Variants in ROBO1 observed in about 807,000 individuals in gnomAD.
ROBO1 encodes the protein roundabout homolog 1.
A neutral mutation model predicts 195.9 loss-of-function variants in ROBO1; 149 were observed. The observed-to-expected ratio is 0.76, with a 90% CI of 0.67 to 0.87. The LOEUF is 0.87. ROBO1 is among the 40% of genes least tolerant of loss of function. The pLI, the probability that ROBO1 is intolerant of heterozygous loss-of-function variation, is 0.00. For synonymous variants in ROBO1, 816 were observed against 733.2 expected (o/e 1.11, Z -1.82); for missense variants, 1,933 against 2,068.3 (o/e 0.93, Z 1.27).
intron 4 of ROBO1, among the ~76,000 whole-genome samples, chr3:78,774,831 T>C (rs1459620903): frequency 6.6e-6 from 1 of 152,210 alleles, no homozygotes; most frequent in African/African-American, 2.4e-5. Flanking sequence ...AATGATCTTT[T>C]AGTCACTTTG....
intron 4 of ROBO1, among the ~76,000 whole-genome samples, chr3:78,925,348 TA>T (rs1254022966): frequency 6.6e-6 from 1 of 152,208 alleles, no homozygotes; most frequent in Non-Finnish European, 1.5e-5. Flanking sequence ...AATAATGTTG[TA>T]CTTGAAGCTC....
intron 3 of ROBO1, among the ~76,000 whole-genome samples, chr3:79,070,241 G>C (rs1206334939): frequency 6.6e-6 from 1 of 151,836 alleles, no homozygotes; most frequent in Admixed American, 6.6e-5. Flanking sequence ...CCTTGAACAA[G>C]TTGTTGTTAC....
chr3:79,104,950 G>A (rs1385692380), intron 3 of ROBO1, among the ~76,000 whole-genome samples: 3 of 151,690 alleles, frequency 2.0e-5, no homozygotes, highest in Non-Finnish European at 4.4e-5. Flanking sequence ...GAAAACGGCA[G>A]GTGTTTTTGG....
rs535342586 is a variant in ROBO1 at position 79,521,835 on chromosome 3, G to A, written c.88+67989C>T. Among the ~76,000 whole-genome samples, 4 of 152,174 alleles carry A rather than the reference G, an allele frequency of 2.6e-5. No homozygotes were observed. In the South Asian group the frequency reaches 8.3e-4, roughly 32 times the overall value. ...GGGAAGATGTGTGGGGAAGCACCTGGATGCTGGTTCCAGGATGCTACCTTG... is the reference window on the plus strand; with the variant it reads ...GGGAAGATGTGTGGGGAAGCACCTGAATGCTGGTTCCAGGATGCTACCTTG... On this transcript the variant is annotated intron_variant, in intron 2 of 30. Coordinates refer to ENST00000464233, the MANE Select transcript of ROBO1 (RefSeq NM_002941.4).
chr3:79,458,956 A>T (rs192016098), intron 2 of ROBO1, among the ~76,000 whole-genome samples: 1 of 152,306 alleles, frequency 6.6e-6, no homozygotes, highest in Non-Finnish European at 1.5e-5. Context: ...CAATAAATTT[A>T]AACTAAAAAA....
At chr3:78,939,361 TC>T (rs2039996971) in intron 3 of ROBO1, among the ~76,000 whole-genome samples, 1 of 151,248 alleles carries the variant, frequency 6.6e-6, no homozygotes, top group Non-Finnish European at 1.5e-5. Context: ...ACGCCTGTAA[TC>T]CCAGCACTTT....
chr3:79,408,345 C>G (rs1294981293), intron 2 of ROBO1, among the ~76,000 whole-genome samples: 1 of 151,876 alleles, frequency 6.6e-6, no homozygotes, highest in Non-Finnish European at 1.5e-5. Flanking sequence ...GGTGCCTATA[C>G]TTTTAATTGA....
chr3:78,720,512 C>T (rs2082014781), intron 5 of ROBO1, among the ~76,000 whole-genome samples: 1 of 152,150 alleles, frequency 6.6e-6, no homozygotes, highest in Admixed American at 6.5e-5. Flanking sequence ...TAAACTAGTT[C>T]AACCATTGTG....
At chr3:79,574,084 T>A (rs1027644765) in intron 2 of ROBO1, among the ~76,000 whole-genome samples, 2 of 152,090 alleles carry the variant, frequency 1.3e-5, no homozygotes, top group African/African-American at 4.8e-5. Flanking sequence ...TTTAAAAAAA[T>A]TTTAGGGTGG....
intron 29 of ROBO1, among the ~76,000 whole-genome samples, chr3:78,605,924 A>T (rs906362729): frequency 6.6e-6 from 1 of 152,204 alleles, no homozygotes; most frequent in Non-Finnish European, 1.5e-5. Context: ...GTGTCTGTAC[A>T]GGCTGATCCT....
At chr3:78,842,843 G>GT (rs1257388444) in intron 4 of ROBO1, among the ~76,000 whole-genome samples, 18 of 151,860 alleles carry the variant, frequency 1.2e-4, no homozygotes, top group Non-Finnish European at 1.2e-4. Flanking sequence ...TTCTGATGCA[G>GT]TGAGTTAACT....
chr3:79,619,394 C>A (rs1944931656), intron 1 of ROBO1, among the ~76,000 whole-genome samples: 1 of 152,160 alleles, frequency 6.6e-6, no homozygotes, highest in Non-Finnish European at 1.5e-5. Context: ...TGAACTCACA[C>A]CTGACCTAAA....
chr3:79,239,659 C>T (rs1203207007), intron 2 of ROBO1, among the ~76,000 whole-genome samples: 3 of 152,142 alleles, frequency 2.0e-5, no homozygotes. Flanking sequence ...TTATAGGATA[C>T]CTCAGTGATG....
intron 2 of ROBO1, among the ~76,000 whole-genome samples, chr3:79,316,996 C>A (rs967942504): frequency 1.3e-5 from 2 of 152,094 alleles, no homozygotes; most frequent in African/African-American, 4.8e-5. Context: ...TGCATCTGAA[C>A]ATACACTTTT....
intron 3 of ROBO1, among the ~76,000 whole-genome samples, chr3:79,035,467 C>A (rs1480873034): frequency 1.3e-5 from 2 of 152,120 alleles, no homozygotes; most frequent in Non-Finnish European, 2.9e-5. Flanking sequence ...TGCCTGCAAT[C>A]CCGGCACTTT....
intron 3 of ROBO1, among the ~76,000 whole-genome samples, chr3:78,995,580 C>A (rs1007645214): frequency 2.6e-5 from 4 of 151,980 alleles, no homozygotes; most frequent in African/African-American, 9.7e-5. Flanking sequence ...CTGCTTAACA[C>A]CATCTTAATT....
At chr3:78,942,931 T>C (rs1348508068) in intron 3 of ROBO1, among the ~76,000 whole-genome samples, 1 of 151,802 alleles carries the variant, frequency 6.6e-6, no homozygotes, top group Non-Finnish European at 1.5e-5. Flanking sequence ...TATTTTTTTT[T>C]TTGCCGGGTG....
At chr3:79,168,379 C>T (rs985991743) in intron 2 of ROBO1, among the ~76,000 whole-genome samples, 3 of 151,792 alleles carry the variant, frequency 2.0e-5, no homozygotes, top group African/African-American at 7.3e-5. Context: ...TTAAAAAAAT[C>T]AGTGATGAAA....
chr3:79,530,147 T>C (rs1941589451), intron 2 of ROBO1, among the ~76,000 whole-genome samples: 1 of 152,146 alleles, frequency 6.6e-6, no homozygotes, highest in African/African-American at 2.4e-5. Context: ...ACAAAAATAA[T>C]ATAGTAATCT....
Sources: gnomAD v4.1 joint callset for allele counts (sites outside exome capture counted in the v4.1 genomes callset) on GRCh38, gnomAD v4.1.1 for gene constraint, MANE v1.5 for transcripts, NCBI Gene and HGNC (gene_info 2026-07-23, HGNC 2026-07-21) for gene names.